The following CARM1 variants were observed in gnomAD, a reference collection of about 807,000 sequenced individuals.
CARM1 encodes histone-arginine methyltransferase CARM1.
A neutral mutation model predicts 72.7 loss-of-function variants in CARM1; 14 were observed. The observed-to-expected ratio is 0.19, with a 90% confidence interval of 0.13 to 0.30. CARM1 has a LOEUF of 0.30. Among genes scored for constraint, CARM1 ranks in the 10% least tolerant of loss-of-function variants. The pLI is 1.00. For synonymous variants in CARM1, 333 were observed against 345.5 expected, an observed-to-expected ratio of 0.96 and a Z score of 0.40; for missense variants, 432 against 833.7, an observed-to-expected ratio of 0.52 and a Z score of 5.93.
At position 10,908,032 on chromosome 19, in the gene CARM1, G is replaced by A; in HGVS notation, c.347-7G>A. On this transcript the variant is annotated splice_region_variant and splice_polypyrimidine_tract_variant and intron_variant, in intron 2 of 15. Coordinates refer to ENST00000327064, the MANE Select transcript of CARM1 (RefSeq NM_199141.2). ...CGCCCCCCGGTGACTTGGCTTCCCTGTTCCAGATTTCTGTTCCTTCTACAA... is the reference window on the plus strand; with the variant it reads ...CGCCCCCCGGTGACTTGGCTTCCCTATTCCAGATTTCTGTTCCTTCTACAA... 1 of 1,609,154 alleles carries A rather than the reference G, an allele frequency of 6.2e-7. No homozygotes were observed.
chr19:10,873,040 T>C (rs1180322074), intron 1 of CARM1, among the ~76,000 whole-genome samples: 1 of 152,024 alleles, frequency 6.6e-6, no homozygotes, highest in African/African-American at 2.4e-5. Context: ...GAGGGTGCCG[T>C]CTCTTTTTGC....
intron 1 of CARM1, among the ~76,000 whole-genome samples, chr19:10,904,142 G>A (rs945082201): frequency 1.3e-5 from 2 of 152,214 alleles, no homozygotes; most frequent in Non-Finnish European, 2.9e-5. Flanking sequence ...CCTGACATTG[G>A]CCTGTTCAAG....
intron 1 of CARM1, 67 bp from the exon 2 acceptor site, chr19:10,904,884 G>C: frequency 6.3e-7 from 1 of 1,583,754 alleles, no homozygotes; most frequent in Non-Finnish European, 8.6e-7. Flanking sequence ...GGGCGACAGG[G>C]ACCCAGGCTC....
intron 14 of CARM1, 32 bp downstream of exon 14, chr19:10,921,159 G>A: frequency 6.2e-7 from 1 of 1,601,492 alleles, no homozygotes. Flanking sequence ...GGGCAGCAGG[G>A]AGCCATGCCC....
chr19:10,910,844 A>C (rs1298643573), intron 4 of CARM1, among the ~76,000 whole-genome samples: 2 of 151,430 alleles, frequency 1.3e-5, no homozygotes, highest in East Asian at 3.9e-4. Flanking sequence ...GATTACAGGC[A>C]TGAGCCACTG....
intron 1 of CARM1, among the ~76,000 whole-genome samples, chr19:10,874,918 G>A (rs935172102): frequency 3.3e-5 from 5 of 152,134 alleles, no homozygotes; most frequent in Non-Finnish European, 5.9e-5. Context: ...CAGCTACTCC[G>A]GAGGATGAGG....
chr19:10,907,417 T>A (rs1181338832), intron 2 of CARM1, among the ~76,000 whole-genome samples: 3 of 152,152 alleles, frequency 2.0e-5, no homozygotes, highest in South Asian at 2.1e-4. Flanking sequence ...CTGCCATGCT[T>A]TTCTTAATTT....
intron 1 of CARM1, among the ~76,000 whole-genome samples, chr19:10,892,438 C>T (rs980662943): frequency 6.6e-6 from 1 of 152,206 alleles, no homozygotes; most frequent in Non-Finnish European, 1.5e-5. Flanking sequence ...CCAGGGTGAC[C>T]TCATGGTCCT....
chr19:10,882,305 A>G (rs1463419366), intron 1 of CARM1, among the ~76,000 whole-genome samples: 1 of 152,134 alleles, frequency 6.6e-6, no homozygotes, highest in African/African-American at 2.4e-5. Flanking sequence ...GACGCCTGTG[A>G]TGGAGGCTGG....
chr19:10,872,908 A>AT (rs971989524), intron 1 of CARM1, among the ~76,000 whole-genome samples: 1 of 151,894 alleles, frequency 6.6e-6, no homozygotes, highest in African/African-American at 2.4e-5. Context: ...TCCTGTGTGA[A>AT]TTTTTTGCCA....
rs776462662 is a variant in CARM1, at chr19:10,919,873, C to A, written c.1107-4C>A. 6.2e-7 allele frequency: 1 copy of A among 1,612,830 alleles called. No individual in the cohort carries two copies. The highest frequency in any genetic ancestry group is 1.3e-5 in the African/African-American group (1 of 75,042). On this transcript the variant is annotated splice_polypyrimidine_tract_variant and splice_region_variant and intron_variant, in intron 9 of 15. Transcript: ENST00000327064. ...CCCAGCAGCCACTGCCCTTTGCCTT[C>A]CAGGATAGAAATCCCATTCAAATTC...
intron 1 of CARM1, among the ~76,000 whole-genome samples, chr19:10,873,440 A>C (rs2073835405): frequency 1.3e-5 from 2 of 151,692 alleles, no homozygotes; most frequent in Non-Finnish European, 2.9e-5. Flanking sequence ...CTAAAAATAC[A>C]AAACAGCGGG....
At chr19:10,908,199 A>C (rs1482283650) in intron 3 of CARM1, 54 bp downstream of exon 3, 5 of 1,193,966 alleles carry the variant, frequency 4.2e-6, no homozygotes, top group East Asian at 2.3e-5. Context: ...CCCCCCTGCC[A>C]CTCACCCGCA....
At chr19:10,906,418 C>A (rs1386028039) in intron 2 of CARM1, among the ~76,000 whole-genome samples, 1 of 152,220 alleles carries the variant, frequency 6.6e-6, no homozygotes, top group Non-Finnish European at 1.5e-5. Context: ...GCAACTGTCA[C>A]TACCGCCCAT....
At chr19:10,898,463 C>T (rs959169980) in intron 1 of CARM1, among the ~76,000 whole-genome samples, 4 of 152,246 alleles carry the variant, frequency 2.6e-5, no homozygotes, top group African/African-American at 9.6e-5. Flanking sequence ...CCCCAACATG[C>T]GCCGGCTGAT....
At chr19:10,907,828 C>G (rs1350346063) in intron 2 of CARM1, among the ~76,000 whole-genome samples, 1 of 152,228 alleles carries the variant, frequency 6.6e-6, no homozygotes, top group Admixed American at 6.5e-5. Flanking sequence ...GCTACCTGCC[C>G]TCTTCTCATG....
intron 1 of CARM1, among the ~76,000 whole-genome samples, chr19:10,874,848 C>T (rs1314168161): frequency 6.6e-6 from 1 of 152,096 alleles, no homozygotes; most frequent in Non-Finnish European, 1.5e-5. Flanking sequence ...ATGGCAAAAT[C>T]TCGTCTCTGC....
intron 8 of CARM1, among the ~76,000 whole-genome samples, chr19:10,918,811 C>T (rs550911112): frequency 1.5e-4 from 23 of 152,178 alleles, no homozygotes; most frequent in Non-Finnish European, 3.1e-4. Context: ...GAAAGGGCTC[C>T]CTCCAGAAAG....
At chr19:10,897,516 C>T (rs971478569) in intron 1 of CARM1, among the ~76,000 whole-genome samples, 1 of 152,162 alleles carries the variant, frequency 6.6e-6, no homozygotes, top group African/African-American at 2.4e-5. Context: ...CCCCTCCTCC[C>T]TTGGCCCCAG....
Sources: gnomAD v4.1 joint callset for allele counts (sites outside exome capture counted in the v4.1 genomes callset) on GRCh38, gnomAD v4.1.1 for gene constraint, MANE v1.5 for transcripts, NCBI Gene and HGNC (gene_info 2026-07-23, HGNC 2026-07-21) for gene names.